YAE1: variants seen among roughly 807,000 people sequenced by gnomAD.
The protein encoded by YAE1 is YAE1 maturation factor of ABCE1, also known as protein YAE1 homolog.
A neutral mutation model predicts 23.0 loss-of-function variants in YAE1; 22 were observed. The observed-to-expected ratio is 0.96, with a 90% confidence interval of 0.68 to 1.37. The LOEUF is 1.37. Among genes scored for constraint, YAE1 ranks in the 40% most tolerant of loss-of-function variants. The probability of loss-of-function intolerance (pLI) is 0.00; values close to 1 mark genes in which losing one functional copy is unlikely to be tolerated. For missense variants in YAE1, 260 were observed against 262.1 expected (o/e 0.99, Z 0.06); for synonymous variants, 101 against 97.0 (o/e 1.04, Z -0.24).
chr7:39,570,642 C>G lies in YAE1; in HGVS notation c.251+15C>G, dbSNP rs2971. On this transcript the variant is annotated intron_variant, in intron 2 of 2. Transcript: ENST00000223273. Reference sequence around the variant, plus strand: ...GGAACATTGAGGTAATTTTTAAAGTCTAAATGCTGAATCATTTTAACCTCA... The same window carrying G: ...GGAACATTGAGGTAATTTTTAAAGTGTAAATGCTGAATCATTTTAACCTCA... 0.097 allele frequency: 154,032 copies of G among 1,581,900 alleles called. 8,972 individuals carry two copies. The highest frequency in any genetic ancestry group is 0.25 in the African/African-American group (18,365 of 72,494).
chr7:39,589,083 A>G (rs555156518), intron 2 of YAE1, among the ~76,000 whole-genome samples: 1 of 151,880 alleles, frequency 6.6e-6, no homozygotes, highest in Non-Finnish European at 1.5e-5. Flanking sequence ...TGACCTCCCA[A>G]AGTGCTGGGA....
At position 39,572,441 on chromosome 7, in the gene YAE1, A is replaced by T. The variant is rs749934423; in HGVS notation, c.416A>T (p.Asp139Val). ...GTAGATTTATTGGACTCCATTGAGG[A>T]TATGGACCTTTGTCATGTAGTTCCA... ...HVVDLLDSIEDMDLCHVVPAE... is the reference protein window; with the variant it reads ...HVVDLLDSIEVMDLCHVVPAE... Residue 139 changes from aspartate (D) to valine (V), a missense_variant, in exon 3 of 3, where the codon GAT becomes GTT. By Grantham distance (152) the Asp-to-Val change is radical (BLOSUM62 -3). Transcript: ENST00000223273. The T allele has an allele frequency of 6.2e-7, 1 of 1,614,166 alleles. No individual in the cohort carries two copies. Among genetic ancestry groups the T allele is most frequent in the Non-Finnish European group, 8.5e-7 (1 of 1,179,990 alleles).
intron 2 of YAE1, among the ~76,000 whole-genome samples, chr7:39,592,271 G>T (rs1017712317): frequency 6.6e-6 from 1 of 151,358 alleles, no homozygotes; most frequent in Non-Finnish European, 1.5e-5. Context: ...ATCTTCCAGA[G>T]TTGCTCTACC....
Position 39,583,732 on chromosome 7 carries a change from A to C in YAE1, c.251+13105A>C, listed in dbSNP as rs535229178. Among the ~76,000 whole-genome samples, 10 of 150,942 alleles carry C rather than the reference A, an allele frequency of 6.6e-5. No individual in the cohort carries two copies. The South Asian group carries it at 2.1e-3, about 31-fold the overall frequency. ...ATAAAATGGAGGTAATGGTAGTGAC[A>C]TCATTGTTTCTGTGGGGATTACGTG... On this transcript the variant is annotated intron_variant, in intron 2 of 2. Transcript: ENST00000432096.
At position 39,570,533 on chromosome 7, in the gene YAE1, GGCAAA is replaced by G; in HGVS notation, c.161_165del (p.Lys54SerfsTer12). ...AGGTTATAGAGATGGAATAGATGCT[GGCAAA>G]GCAGTTACTCTTCAACAGGGCTTCA... On this transcript the variant is annotated frameshift_variant, in exon 2 of 3. Transcript: ENST00000223273. LOFTEE classifies it high-confidence loss of function. 6.2e-7 allele frequency: 1 copy of G among 1,612,000 alleles called. No individual in the cohort carries two copies. Among genetic ancestry groups the G allele is most frequent in the South Asian group, 1.1e-5 (1 of 90,450 alleles).
At chr7:39,583,493 A>T (rs1790774634) in intron 2 of YAE1, among the ~76,000 whole-genome samples, 1 of 152,238 alleles carries the variant, frequency 6.6e-6, no homozygotes, top group South Asian at 2.1e-4. Flanking sequence ...GGACCTCAGA[A>T]AATTCTATGA....
chr7:39,606,907 T>C (rs900481293), intron 2 of YAE1, among the ~76,000 whole-genome samples: 2 of 152,248 alleles, frequency 1.3e-5, no homozygotes, highest in Admixed American at 6.5e-5. Flanking sequence ...CCTACTGTCA[T>C]TATTTTGAGT....
At chr7:39,603,565 A>C (rs1791085755) in intron 2 of YAE1, among the ~76,000 whole-genome samples, 1 of 152,188 alleles carries the variant, frequency 6.6e-6, no homozygotes, top group Non-Finnish European at 1.5e-5. Flanking sequence ...TAGCCTGGAG[A>C]ATGAAACCAG....
chr7:39,572,149 A>T, intron 2 of YAE1, 128 bp from the exon 3 acceptor site: 5 of 991,586 alleles, frequency 5.0e-6, no homozygotes, highest in Non-Finnish European at 7.2e-6. Context: ...ATATAGAGTT[A>T]TGAAAGAGGG....
At chr7:39,569,586 C>A in intron 1 of YAE1, 1 of 567,794 alleles carries the variant, frequency 1.8e-6, no homozygotes, top group South Asian at 1.6e-5. Context: ...AGGACAAAGG[C>A]AACCTGCCAC....
downstream of YAE1, among the ~76,000 whole-genome samples, chr7:39,576,053 T>C (rs1398960335): frequency 6.6e-6 from 1 of 152,240 alleles, no homozygotes; most frequent in African/African-American, 2.4e-5. Flanking sequence ...TCTTTGTTTT[T>C]ATATTCTGAC....
chr7:39,572,711 A>G lies in YAE1; in HGVS notation c.*5A>G. On this transcript the variant is annotated 3_prime_UTR_variant, in exon 3 of 3. Transcript: ENST00000223273. ...CAACACCTCAAACAACTATAAAATT[A>G]CCTTCCCTTTTCTAATGAAAATAAT... 1 of 1,555,356 alleles carries G rather than the reference A, an allele frequency of 6.4e-7. No individual in the cohort carries two copies. The highest frequency in any genetic ancestry group is 8.6e-7 in the Non-Finnish European group (1 of 1,156,742).
intron 2 of YAE1, among the ~76,000 whole-genome samples, chr7:39,601,632 C>T (rs1239877538): frequency 2.0e-5 from 3 of 151,628 alleles, no homozygotes; most frequent in Admixed American, 6.6e-5. Context: ...TGGTGGCGGG[C>T]GCCTGTAGTC....
In YAE1 at chr7:39,580,255, A is replaced by T. The variant is rs1327173685; in HGVS notation, c.251+9628A>T. Among the ~76,000 whole-genome samples, 3 of 152,210 alleles carry T rather than the reference A, an allele frequency of 2.0e-5. No homozygotes were observed. The East Asian group carries it at 5.8e-4, about 29-fold the overall frequency. On this transcript the variant is annotated intron_variant, in intron 2 of 2. Transcript: ENST00000432096. Reference sequence around the variant, plus strand: ...TATCCTCCAAACGGGAAGATAGTTTATGTCACTCATTTTGTGATGATGTGT... The same window carrying T: ...TATCCTCCAAACGGGAAGATAGTTTTTGTCACTCATTTTGTGATGATGTGT...
exon 3 of YAE1, chr7:39,610,003 G>C (rs1167160746): frequency 6.6e-7 from 1 of 1,510,936 alleles, no homozygotes; most frequent in South Asian, 1.3e-5. Flanking sequence ...TTCTTAATCA[G>C]AGGGCAGCTT....
At chr7:39,606,968 A>G (rs1475498477) in intron 2 of YAE1, among the ~76,000 whole-genome samples, 2 of 152,234 alleles carry the variant, frequency 1.3e-5, no homozygotes, top group East Asian at 3.8e-4. Context: ...GTTGGTCTTT[A>G]TACCAGTGCA....
intron 1 of YAE1, chr7:39,569,983 C>A: frequency 7.3e-7 from 1 of 1,361,164 alleles, no homozygotes. Flanking sequence ...GATCTTCTCC[C>A]CATTCAGCAA....
intron 2 of YAE1, among the ~76,000 whole-genome samples, chr7:39,590,656 T>A (rs116567352): frequency 0.031 from 4,746 of 152,308 alleles, 112 homozygotes; most frequent in Admixed American, 0.069. Context: ...TTTAAGGCCA[T>A]TTTATACACT....
downstream of YAE1, among the ~76,000 whole-genome samples, chr7:39,576,710 C>T (rs1790661369): frequency 1.3e-5 from 2 of 152,090 alleles, no homozygotes; most frequent in Non-Finnish European, 2.9e-5. Context: ...TCACGTTTCT[C>T]CAGGAAAATC....
Sources: allele counts gnomAD v4.1 joint callset (sites outside exome capture counted in the v4.1 genomes callset), GRCh38; gene constraint gnomAD v4.1.1; transcripts MANE v1.5; gene names NCBI Gene and HGNC (gene_info 2026-07-23, HGNC 2026-07-21).